The following ST18 variants were observed in gnomAD, a reference collection of about 807,000 sequenced individuals.
The protein encoded by ST18 is suppression of tumorigenicity 18 protein.
ST18 carries 50 observed loss-of-function variants against 110.0 expected under a neutral mutation model. That is an observed-to-expected ratio of 0.45 (90% CI 0.36 to 0.58). The LOEUF (loss-of-function observed/expected upper bound fraction) is 0.58, where lower values mean the gene tolerates loss of function less well. Among genes scored for constraint, ST18 ranks in the 20% least tolerant of loss-of-function variants. The pLI is 0.00. For synonymous variants in ST18, 461 were observed against 452.4 expected (o/e 1.02, Z -0.24); for missense variants, 1,306 against 1,280.1 (o/e 1.02, Z -0.31).
At chr8:52,387,070 T>TCTTC (rs1163598756) in intron 2 of ST18, among the ~76,000 whole-genome samples, 1 of 152,102 alleles carries the variant, frequency 6.6e-6, no homozygotes. Flanking sequence ...ACAGATAATT[T>TCTTC]CTTCCTTCCT....
chr8:52,405,216 A>G (rs1564669947), intron 2 of ST18: 1 of 152,228 alleles, frequency 6.6e-6, no homozygotes, highest in Non-Finnish European at 1.5e-5. Context: ...CAGGATTCAT[A>G]TATCTCTTTG....
intron 2 of ST18, among the ~76,000 whole-genome samples, chr8:52,308,233 A>T (rs778967484): frequency 6.6e-6 from 1 of 152,210 alleles, no homozygotes; most frequent in Non-Finnish European, 1.5e-5. Flanking sequence ...AAAAAACCAC[A>T]TCGGCTGTGA....
At chr8:52,215,061 A>C (rs2083623440) in intron 6 of ST18, among the ~76,000 whole-genome samples, 1 of 152,188 alleles carries the variant, frequency 6.6e-6, no homozygotes, top group African/African-American at 2.4e-5. Flanking sequence ...GGAATTCTTA[A>C]ATATAAATAA....
At chr8:52,252,608 C>T (rs2094366162) in intron 2 of ST18, among the ~76,000 whole-genome samples, 2 of 151,734 alleles carry the variant, frequency 1.3e-5, no homozygotes, top group Non-Finnish European at 2.9e-5. Context: ...CTCCAAGGTA[C>T]AGTATATCCA....
intron 9 of ST18, among the ~76,000 whole-genome samples, chr8:52,174,846 A>G (rs1288870734): frequency 1.3e-5 from 2 of 152,108 alleles, no homozygotes; most frequent in East Asian, 1.9e-4. Flanking sequence ...CCCCCCTCCC[A>G]GGCTTTCACT....
intron 2 of ST18, among the ~76,000 whole-genome samples, chr8:52,281,968 C>A: frequency 6.6e-6 from 1 of 152,252 alleles, no homozygotes; most frequent in Middle Eastern, 3.4e-3. Flanking sequence ...GCGGGTGCAC[C>A]AAAATCTCAG....
At chr8:52,116,730 G>A (rs935066573) in intron 24 of ST18, among the ~76,000 whole-genome samples, 1 of 152,068 alleles carries the variant, frequency 6.6e-6, no homozygotes, top group East Asian at 1.9e-4. Context: ...TGCTCCATCC[G>A]CTGTCTCCCT....
chr8:52,178,044 T>C (rs1418777148), intron 9 of ST18, among the ~76,000 whole-genome samples: 2 of 152,206 alleles, frequency 1.3e-5, no homozygotes, highest in African/African-American at 4.8e-5. Context: ...TGTCCATCAG[T>C]GCTTGTAACT....
At chr8:52,191,184 T>C (rs1333754467) in intron 8 of ST18, among the ~76,000 whole-genome samples, 1 of 152,202 alleles carries the variant, frequency 6.6e-6, no homozygotes, top group African/African-American at 2.4e-5. Flanking sequence ...TTTAGAGGTA[T>C]CTGTGCTCAG....
chr8:52,180,214 CG>C lies in ST18; in HGVS notation c.184del (p.Arg62AspfsTer35). 6.2e-7 allele frequency: 1 copy of C among 1,614,146 alleles called. No individual in the cohort carries two copies. The highest frequency in any genetic ancestry group is 8.5e-7 in the Non-Finnish European group (1 of 1,180,020). On this transcript the variant is annotated frameshift_variant, in exon 9 of 26. Transcript: ENST00000689386. LOFTEE classifies it high-confidence loss of function. ...NKRKSLLMKPRHYSPKADCQE... is the reference protein window; with the variant it reads ...NKRKSLLMKPXHYSPKADCQE... Reference sequence around the variant, plus strand: ...GCAGTCTGCTTTTGGGCTGTAGTGTCGGGGCTTCATTAGCAGGGATTTCCTT... The same window carrying C: ...GCAGTCTGCTTTTGGGCTGTAGTGTCGGGCTTCATTAGCAGGGATTTCCTT...
At chr8:52,249,459 T>G (rs1166584597) in intron 2 of ST18, 1 of 152,142 alleles carries the variant, frequency 6.6e-6, no homozygotes, top group Non-Finnish European at 1.5e-5. Flanking sequence ...GTTTGTGTCG[T>G]TGTGTGGTGT....
At chr8:52,303,409 T>C (rs1456066498) in intron 2 of ST18, among the ~76,000 whole-genome samples, 4 of 152,260 alleles carry the variant, frequency 2.6e-5, no homozygotes, top group African/African-American at 9.6e-5. Flanking sequence ...ATCACTCTAA[T>C]CCAGCATGAC....
At chr8:52,141,090 G>A (rs904108656) in intron 17 of ST18, among the ~76,000 whole-genome samples, 2 of 152,158 alleles carry the variant, frequency 1.3e-5, no homozygotes, top group Admixed American at 6.5e-5. Flanking sequence ...CGTTGTATCC[G>A]TCAACCACCA....
chr8:52,379,028 C>T (rs1833475239), intron 2 of ST18, among the ~76,000 whole-genome samples: 1 of 152,038 alleles, frequency 6.6e-6, no homozygotes, highest in Admixed American at 6.6e-5. Context: ...AATTTTACTA[C>T]AGATGAAATG....
At chr8:52,250,444 G>GAAAAAAAAAAAAAAAAAAAA (rs2094201766) in intron 2 of ST18, among the ~76,000 whole-genome samples, 1 of 5,466 alleles carries the variant, frequency 1.8e-4, no homozygotes, top group Non-Finnish European at 3.3e-4. Context: ...AGCCTCAAAG[G>GAAAAAAAAAAAAAAAAAAAA]CAAAAAAAAA....
intron 2 of ST18, among the ~76,000 whole-genome samples, chr8:52,268,657 C>T (rs112561816): frequency 1.3e-5 from 2 of 152,228 alleles, no homozygotes; most frequent in African/African-American, 4.8e-5. Context: ...TGTAATAAAT[C>T]TAGAGGAGCG....
chr8:52,194,113 T>C (rs76616010), intron 8 of ST18, among the ~76,000 whole-genome samples: 6,006 of 152,238 alleles, frequency 0.039, 151 homozygotes, highest in East Asian at 0.083. Flanking sequence ...GTTTTATAAA[T>C]AATAAATTAA....
At chr8:52,163,498 C>G (rs16917356) in intron 13 of ST18, among the ~76,000 whole-genome samples, 1,545 of 152,118 alleles carry the variant, frequency 0.01, 34 homozygotes, top group African/African-American at 0.036. Flanking sequence ...ATAGGAGATA[C>G]TTTATTAATA....
intron 25 of ST18, among the ~76,000 whole-genome samples, chr8:52,114,959 T>C (rs1390554012): frequency 6.6e-6 from 1 of 152,238 alleles, no homozygotes; most frequent in Non-Finnish European, 1.5e-5. Context: ...AAGAAAATAC[T>C]AAGGAATGCA....
Sources: allele counts gnomAD v4.1 joint callset (sites outside exome capture counted in the v4.1 genomes callset), GRCh38; gene constraint gnomAD v4.1.1; transcripts MANE v1.5; gene names NCBI Gene and HGNC (gene_info 2026-07-23, HGNC 2026-07-21).